The following NAF1 variants were observed in gnomAD, a reference collection of about 807,000 sequenced individuals.
The protein encoded by NAF1 is H/ACA ribonucleoprotein complex non-core subunit NAF1.
NAF1 carries 11 observed loss-of-function variants against 40.6 expected under a neutral mutation model. That is an observed-to-expected ratio of 0.27 (90% CI 0.17 to 0.45). NAF1 has a LOEUF of 0.45. Ranked by LOEUF, NAF1 falls within the 20% of genes least tolerant of loss-of-function variation. NAF1 has a pLI of 1.00. For synonymous variants in NAF1, 260 were observed against 228.5 expected (o/e 1.14, Z -1.24); for missense variants, 607 against 611.1 (o/e 0.99, Z 0.07).
downstream of NAF1, among the ~76,000 whole-genome samples, chr4:163,122,071 C>T (rs1326501388): frequency 1.3e-5 from 2 of 152,118 alleles, no homozygotes; most frequent in Non-Finnish European, 2.9e-5. Context: ...CAAACATTAT[C>T]GTTGAAAGAA....
chr4:163,135,697 G>A (rs910889184), intron 6 of NAF1: 6 of 152,306 alleles, frequency 3.9e-5, no homozygotes, highest in Non-Finnish European at 1.5e-5. Flanking sequence ...GGCTGAGGCA[G>A]GAGAATTGCT....
Position 163,145,868 on chromosome 4 carries a change from A to G in NAF1, c.635-4T>C, listed in dbSNP as rs1248248967. 7.4e-7 allele frequency: 1 copy of G among 1,354,456 alleles called. No individual in the cohort carries two copies. Among genetic ancestry groups the G allele is most frequent in the Non-Finnish European group, 1.0e-6 (1 of 963,794 alleles). 83.9% of individuals were successfully genotyped at this position (1,354,456 alleles called of 1,614,324 possible). A position where few individuals can be genotyped will look rare whatever the true frequency, so the allele number is the denominator to read the frequency against. On this transcript the variant is annotated splice_polypyrimidine_tract_variant and splice_region_variant and intron_variant, in intron 3 of 7. Coordinates refer to ENST00000274054, the MANE Select transcript of NAF1 (RefSeq NM_138386.3). ...TTAGTCATAGATTCAATTATTACTG[A>G]AAAATAAAATAGATTACTTCAAGAT...
At chr4:163,113,973 G>C (rs1730246320) in intron 2 of NAF1, among the ~76,000 whole-genome samples, 1 of 152,088 alleles carries the variant, frequency 6.6e-6, no homozygotes, top group African/African-American at 2.4e-5. Context: ...ACCAAAAACT[G>C]TATTAGCCAA....
At chr4:163,164,951 G>T (rs541725163) in intron 1 of NAF1, among the ~76,000 whole-genome samples, 1 of 152,250 alleles carries the variant, frequency 6.6e-6, no homozygotes, top group South Asian at 2.1e-4. Context: ...TTTAAATTTT[G>T]TTTGTTGGCT....
intron 2 of NAF1, among the ~76,000 whole-genome samples, chr4:163,111,975 T>A (rs1373622995): frequency 6.6e-6 from 1 of 152,142 alleles, no homozygotes. Context: ...TTGATGACTT[T>A]GAAAAGGGCA....
intron 2 of NAF1, among the ~76,000 whole-genome samples, chr4:163,155,545 C>A (rs1731953957): frequency 6.6e-6 from 1 of 152,124 alleles, no homozygotes. Context: ...CTAATCTTCT[C>A]AAAAATAAAA....
intron 2 of NAF1, among the ~76,000 whole-genome samples, chr4:163,152,815 C>T (rs536269283): frequency 3.4e-4 from 52 of 152,354 alleles, no homozygotes; most frequent in African/African-American, 1.2e-3. Context: ...AGGCCAGAGC[C>T]GGCTCCCTCA....
At chr4:163,143,921 G>T in intron 4 of NAF1, 1 of 593,254 alleles carries the variant, frequency 1.7e-6, no homozygotes, top group Non-Finnish European at 2.1e-6. Flanking sequence ...TAATCTATTA[G>T]TTAGGCAAAC....
At chr4:163,108,262 G>C (rs1730081530), downstream of NAF1, among the ~76,000 whole-genome samples, 1 of 152,154 alleles carries the variant, frequency 6.6e-6, no homozygotes, top group African/African-American at 2.4e-5. Flanking sequence ...AAGGATTGTG[G>C]AAGAATGAGA....
intron 2 of NAF1, among the ~76,000 whole-genome samples, chr4:163,151,607 G>C (rs1028575011): frequency 2.0e-5 from 3 of 152,104 alleles, no homozygotes; most frequent in South Asian, 4.2e-4. Flanking sequence ...TTCAGTGTCA[G>C]TACTAAACTA....
chr4:163,110,155 T>C (rs1730116576), exon 3 of NAF1: 1 of 585,198 alleles, frequency 1.7e-6, no homozygotes, highest in African/African-American at 1.9e-5. Context: ...AACTCTTCTA[T>C]GGATAAGAAT....
chr4:163,145,207 T>C (rs558101807), intron 4 of NAF1, among the ~76,000 whole-genome samples: 2 of 152,240 alleles, frequency 1.3e-5, no homozygotes, highest in Non-Finnish European at 2.9e-5. Context: ...TGCAGGGTTG[T>C]TCCATTAGAA....
chr4:163,118,240 A>G lies in NAF1; in HGVS notation c.115-7950T>C, dbSNP rs577734943. Among the ~76,000 whole-genome samples the G allele has an allele frequency of 2.0e-3, 301 of 152,238 alleles. 1 individual carries two copies. Among genetic ancestry groups the G allele is most frequent in the Non-Finnish European group, 2.1e-3 (144 of 68,040 alleles). On this transcript the variant is annotated intron_variant, in intron 2 of 2. Coordinates refer to the NAF1 transcript ENST00000509434. ...GGTGATGAATCAGAAAGCGGTATCT[A>G]GAAACAAGGTTTCAGTTACTGTCTC...
chr4:163,149,591 G>A (rs984226573), intron 2 of NAF1, among the ~76,000 whole-genome samples: 1 of 152,154 alleles, frequency 6.6e-6, no homozygotes, highest in African/African-American at 2.4e-5. Flanking sequence ...CCTTTGTATG[G>A]TTAGTCTGCC....
intron 3 of NAF1, 121 bp downstream of exon 3, chr4:163,148,220 T>C (rs573826178): frequency 1.3e-4 from 64 of 481,322 alleles, no homozygotes; most frequent in Non-Finnish European, 2.3e-4. Context: ...TCAAACTTAA[T>C]GACTATAAAA....
chr4:163,117,521 T>A (rs1730375115), intron 2 of NAF1: 1 of 125,468 alleles, frequency 8.0e-6, no homozygotes, highest in Admixed American at 7.6e-5. Context: ...TGTGCTTCTA[T>A]TTTTTTTTTT....
Position 163,129,331 on chromosome 4 carries a change from C to G in NAF1, c.1051G>C (p.Val351Leu). The part of the protein sequence containing the change: ...FNEPGEDFTE[V>L]HQNWNAHSSA... Reference sequence around the variant, plus strand: ...CTATGAGCATTCCAATTCTGATGTACTTCAGTAAAATCTTCACCTTTGAGT... The same window carrying G: ...CTATGAGCATTCCAATTCTGATGTAGTTCAGTAAAATCTTCACCTTTGAGT... Residue 351 changes from valine (V) to leucine (L), a missense_variant, in exon 8 of 8, where the codon GTA becomes CTA. Coordinates refer to ENST00000274054, the MANE Select transcript of NAF1 (RefSeq NM_138386.3). The G allele has an allele frequency of 6.2e-7, 1 of 1,608,674 alleles. No individual in the cohort carries two copies. The highest frequency in any genetic ancestry group is 8.5e-7 in the Non-Finnish European group (1 of 1,175,342).
At chr4:163,133,120 A>T in intron 7 of NAF1, 34 bp downstream of exon 7, 1 of 1,496,840 alleles carries the variant, frequency 6.7e-7, no homozygotes, top group Non-Finnish European at 9.3e-7. Flanking sequence ...GTAAATGAAG[A>T]TAAAGAACGA....
At chr4:163,104,668 G>T in the NAF1 span, among the ~76,000 whole-genome samples, 2 of 152,146 alleles carry the variant, frequency 1.3e-5, no homozygotes, top group Admixed American at 1.3e-4. Context: ...CTAATTAGCC[G>T]GTCAGAAAGA....
Sources: gnomAD v4.1 joint callset for allele counts (sites outside exome capture counted in the v4.1 genomes callset) on GRCh38, gnomAD v4.1.1 for gene constraint, MANE v1.5 for transcripts, NCBI Gene and HGNC (gene_info 2026-07-23, HGNC 2026-07-21) for gene names.